The following SNTG1 variants were observed in gnomAD, a reference collection of about 807,000 sequenced individuals.
SNTG1 encodes the protein gamma-1-syntrophin.
A neutral mutation model predicts 74.7 loss-of-function variants in SNTG1; 39 were observed. The ratio of observed to expected loss-of-function variants is 0.52; its 90% confidence interval spans 0.40 to 0.68. The LOEUF is 0.68. Among genes scored for constraint, SNTG1 ranks in the 30% least tolerant of loss-of-function variants. The pLI, the probability that SNTG1 is intolerant of heterozygous loss-of-function variation, is 0.00. For missense variants in SNTG1, 685 were observed against 609.5 expected (o/e 1.12, Z -1.30); for synonymous variants, 254 against 217.1 (o/e 1.17, Z -1.49).
At chr8:50,578,798 C>T (rs1402157282) in intron 12 of SNTG1, among the ~76,000 whole-genome samples, 3 of 152,106 alleles carry the variant, frequency 2.0e-5, no homozygotes, top group Non-Finnish European at 2.9e-5. Context: ...CCTCCCTAGC[C>T]GTGCTGAACT....
At chr8:50,447,875 A>G (rs72642373) in intron 5 of SNTG1, among the ~76,000 whole-genome samples, 2 of 152,328 alleles carry the variant, frequency 1.3e-5, no homozygotes, top group Non-Finnish European at 2.9e-5. Flanking sequence ...CTTAGAAGGG[A>G]TTAGTCCTAA....
intron 4 of SNTG1, among the ~76,000 whole-genome samples, chr8:50,407,539 T>C (rs897580465): frequency 1.2e-4 from 18 of 152,214 alleles, no homozygotes; most frequent in African/African-American, 4.3e-4. Context: ...AAGTTGTTTA[T>C]ATTTTCAGGT....
chr8:50,579,330 G>C (rs2094595280), intron 12 of SNTG1, among the ~76,000 whole-genome samples: 1 of 152,160 alleles, frequency 6.6e-6, no homozygotes. Flanking sequence ...AGAGGAATCA[G>C]AGCATAAATG....
chr8:50,709,437 G>C (rs891197272), intron 17 of SNTG1, among the ~76,000 whole-genome samples: 7 of 152,080 alleles, frequency 4.6e-5, no homozygotes, highest in Non-Finnish European at 7.4e-5. Flanking sequence ...AAAATTTAAA[G>C]TTTAGTTTCT....
At chr8:50,146,517 T>TAAAAAC (rs1003523256) in intron 1 of SNTG1, among the ~76,000 whole-genome samples, 2 of 151,784 alleles carry the variant, frequency 1.3e-5, no homozygotes, top group African/African-American at 4.8e-5. Flanking sequence ...AAACTCAGTC[T>TAAAAAC]AAAAACAAAA....
At chr8:50,452,569 T>C (rs1194581265) in intron 8 of SNTG1, among the ~76,000 whole-genome samples, 3 of 152,198 alleles carry the variant, frequency 2.0e-5, no homozygotes, top group South Asian at 4.1e-4. Context: ...GGAGCTTTGA[T>C]TAAACAGATT....
chr8:50,561,431 A>T (rs925430166), intron 12 of SNTG1, among the ~76,000 whole-genome samples: 4 of 152,166 alleles, frequency 2.6e-5, no homozygotes, highest in Non-Finnish European at 4.4e-5. Context: ...ACCAGAAAAA[A>T]GGAAAAAATA....
chr8:50,168,792 C>T (rs1431839051), intron 1 of SNTG1, among the ~76,000 whole-genome samples: 1 of 152,046 alleles, frequency 6.6e-6, no homozygotes, highest in Non-Finnish European at 1.5e-5. Flanking sequence ...GTCATAATTT[C>T]TAGGAAGTTG....
chr8:50,025,637 C>T (rs896970958), intron 1 of SNTG1, among the ~76,000 whole-genome samples: 7 of 152,038 alleles, frequency 4.6e-5, no homozygotes, highest in East Asian at 1.9e-4. Context: ...TTAAGCCTTT[C>T]GATGGCAATT....
At chr8:50,709,026 T>A (rs751727127) in intron 17 of SNTG1, 48 bp downstream of exon 17, 2 of 1,344,686 alleles carry the variant, frequency 1.5e-6, no homozygotes, top group Non-Finnish European at 2.1e-6. Flanking sequence ...AACATTCTAA[T>A]TGAAGAATGA....
At chr8:49,991,387 T>G (rs955735738) in intron 1 of SNTG1, among the ~76,000 whole-genome samples, 1 of 152,166 alleles carries the variant, frequency 6.6e-6, no homozygotes, top group African/African-American at 2.4e-5. Context: ...CTCTGGCCGT[T>G]CATTAAAGTG....
intron 2 of SNTG1, among the ~76,000 whole-genome samples, chr8:50,297,154 G>C (rs2089422932): frequency 6.6e-6 from 1 of 152,128 alleles, no homozygotes; most frequent in Non-Finnish European, 1.5e-5. Context: ...AGTCATGATT[G>C]CACATGACAG....
chr8:50,026,144 G>A (rs73677836), intron 1 of SNTG1, among the ~76,000 whole-genome samples: 5,266 of 152,120 alleles, frequency 0.035, 225 homozygotes, highest in South Asian at 0.14. Flanking sequence ...CAATCAACAC[G>A]CATTCTGTTT....
chr8:50,384,460 A>G (rs4367564), intron 2 of SNTG1, among the ~76,000 whole-genome samples: 140,723 of 152,244 alleles, frequency 0.92, 65,599 homozygotes, highest in Non-Finnish European at 1. Flanking sequence ...GTCTATTTCA[A>G]TAAGCACAAC....
intron 4 of SNTG1, among the ~76,000 whole-genome samples, chr8:50,420,056 A>G (rs1342421932): frequency 6.6e-6 from 1 of 152,144 alleles, no homozygotes. Flanking sequence ...CAGAAGTTCT[A>G]ACATGTATTT....
At chr8:50,760,432 T>C (rs2095595049) in intron 18 of SNTG1, among the ~76,000 whole-genome samples, 1 of 152,054 alleles carries the variant, frequency 6.6e-6, no homozygotes, top group Non-Finnish European at 1.5e-5. Flanking sequence ...TTAAAGGAAA[T>C]GCTTCTAGGT....
rs2088604718 is a variant in SNTG1, at chr8:50,283,715, GCA to G, written c.-27-110494_-27-110493del. 1.1e-4 allele frequency among the ~76,000 whole-genome samples: 16 copies of G among 152,108 alleles called. 1 individual carries two copies. Among genetic ancestry groups the G allele is most frequent in the African/African-American group, 3.9e-4 (16 of 41,516 alleles). ...CTGGCCAAATCATTTCTTCAAAAGG[GCA>G]CATAGTTCTGTATTTCCCAAGCTGT... On this transcript the variant is annotated intron_variant, in intron 2 of 18. Transcript: ENST00000642720.
At chr8:50,392,341 A>G (rs1006879222) in intron 2 of SNTG1, among the ~76,000 whole-genome samples, 2 of 152,184 alleles carry the variant, frequency 1.3e-5, no homozygotes, top group Admixed American at 6.5e-5. Context: ...TGGAGGTGGG[A>G]TTTATATGCA....
chr8:50,537,439 T>G (rs1585612653), intron 11 of SNTG1, among the ~76,000 whole-genome samples: 1 of 152,222 alleles, frequency 6.6e-6, no homozygotes, highest in Non-Finnish European at 1.5e-5. Flanking sequence ...TTTAATATTC[T>G]TATATTATTA....
Sources: gnomAD v4.1 joint callset for allele counts (sites outside exome capture counted in the v4.1 genomes callset) on GRCh38, gnomAD v4.1.1 for gene constraint, MANE v1.5 for transcripts, NCBI Gene and HGNC (gene_info 2026-07-23, HGNC 2026-07-21) for gene names.